Variants in LYRM9 observed in about 807,000 individuals in gnomAD.
LYRM9 encodes the protein LYR motif containing 9.
Under a neutral mutation model 12.6 loss-of-function variants are expected in LYRM9, and 14 were observed. That is an observed-to-expected ratio of 1.11 (90% confidence interval 0.73 to 1.73). LYRM9 has a LOEUF of 1.73. Ranked by LOEUF, LYRM9 falls within the 40% of genes most tolerant of loss-of-function variation. The pLI, the probability that LYRM9 is intolerant of heterozygous loss-of-function variation, is 0.00. For synonymous variants in LYRM9, 42 were observed against 35.1 expected (o/e 1.20, Z -0.69); for missense variants, 94 against 95.0 (o/e 0.99, Z 0.04).
intron 3 of LYRM9, chr17:27,879,969 G>A (rs1034731813): frequency 1.6e-5 from 10 of 628,172 alleles, no homozygotes; most frequent in East Asian, 5.6e-5. Flanking sequence ...TGCCACCGCC[G>A]GCTCTGGCAC....
At chr17:27,888,488 C>T (rs1221779665) in intron 1 of LYRM9, among the ~76,000 whole-genome samples, 1 of 152,200 alleles carries the variant, frequency 6.6e-6, no homozygotes, top group Admixed American at 6.5e-5. Flanking sequence ...TATGAATTTT[C>T]TTGGGTTATA....
At chr17:27,888,053 T>G (rs552303235) in intron 1 of LYRM9, among the ~76,000 whole-genome samples, 1 of 152,332 alleles carries the variant, frequency 6.6e-6, no homozygotes, top group African/African-American at 2.4e-5. Context: ...CTCACCCGCA[T>G]TGAAACACCC....
intron 1 of LYRM9, among the ~76,000 whole-genome samples, chr17:27,885,302 T>C (rs1402478239): frequency 6.6e-6 from 1 of 152,208 alleles, no homozygotes; most frequent in African/African-American, 2.4e-5. Context: ...CTAAACTTGA[T>C]GCTGGGAGGA....
At position 27,886,153 on chromosome 17, in the gene LYRM9, C is replaced by G. The variant is rs1419698612; in HGVS notation, c.-18-3441G>C. ...TAATCAAATATTGTAAAATGCTAGTCGCGGAACAGATGGTTACCATCTGCA... is the reference window on the plus strand; with the variant it reads ...TAATCAAATATTGTAAAATGCTAGTGGCGGAACAGATGGTTACCATCTGCA... On this transcript the variant is annotated intron_variant, in intron 1 of 3. Coordinates refer to ENST00000379102, the MANE Select transcript of LYRM9 (RefSeq NM_001076680.3). This position sits in a 1 kb window ranked among gnomAD's most constrained non-coding sequence, Gnocchi z 4.8. 6.6e-6 allele frequency among the ~76,000 whole-genome samples: 1 copy of G among 152,098 alleles called. No individual in the cohort carries two copies. The highest frequency in any genetic ancestry group is 1.5e-5 in the Non-Finnish European group (1 of 68,030).
chr17:27,893,357 G>T lies in LYRM9; in HGVS notation c.-59C>A. ...CGCCAGCCCCGGACGCCGCCGCGGC[G>T]ACGAGTGCGCCTGCGCCCCGGGGAC... On this transcript the variant is annotated 5_prime_UTR_variant, in exon 1 of 4. Transcript: ENST00000379102. The T allele has an allele frequency of 6.6e-6, 1 of 152,136 alleles. No individual in the cohort carries two copies. The highest frequency in any genetic ancestry group is 2.0e-4 in the South Asian group (1 of 4,956). The allele number at this position is 152,136 out of a possible 1,614,324, so 9.4% of individuals were successfully genotyped here.
At chr17:27,888,316 C>T (rs1242652926) in intron 1 of LYRM9, among the ~76,000 whole-genome samples, 1 of 152,168 alleles carries the variant, frequency 6.6e-6, no homozygotes, top group Non-Finnish European at 1.5e-5. Context: ...CATCACCCCT[C>T]ATTACTCTAG....
chr17:27,883,106 G>A (rs1310450154), intron 1 of LYRM9: 2 of 461,762 alleles, frequency 4.3e-6, no homozygotes, highest in African/African-American at 4.0e-5. Flanking sequence ...AAGCCACAGA[G>A]GGGAGAATGC....
At chr17:27,887,490 G>A (rs1905267608) in intron 1 of LYRM9, among the ~76,000 whole-genome samples, 1 of 152,178 alleles carries the variant, frequency 6.6e-6, no homozygotes, top group African/African-American at 2.4e-5. Context: ...TCCTGTCCAT[G>A]GCCTGCAAGG....
chr17:27,885,096 C>G (rs930897115), intron 1 of LYRM9, among the ~76,000 whole-genome samples: 1 of 152,166 alleles, frequency 6.6e-6, no homozygotes, highest in Non-Finnish European at 1.5e-5. Context: ...CTTCTAGTAA[C>G]AGCCCCAATG....
rs1904950787 is a variant in LYRM9 at position 27,879,230 on chromosome 17, G to C, written c.*243C>G. On this transcript the variant is annotated 3_prime_UTR_variant, in exon 4 of 4. Coordinates refer to ENST00000379102, the MANE Select transcript of LYRM9 (RefSeq NM_001076680.3). The stretch of plus-strand genomic sequence containing the variant: ...ACACAAAAATAAAAAACACACAAAA[G>C]AAGCAAAAAAATACTACATTCTCCC... The C allele has an allele frequency of 4.5e-6, 2 of 445,102 alleles. No homozygotes were observed. The highest frequency in any genetic ancestry group is 7.9e-6 in the Non-Finnish European group (2 of 252,142). The allele number at this position is 445,102 out of a possible 1,614,324, so 27.6% of individuals were successfully genotyped here. A position where few individuals can be genotyped will look rare whatever the true frequency, so the allele number is the denominator to read the frequency against.
At chr17:27,883,486 C>G (rs1905132962) in intron 1 of LYRM9, among the ~76,000 whole-genome samples, 1 of 151,916 alleles carries the variant, frequency 6.6e-6, no homozygotes. Context: ...CCCGTCTCTA[C>G]TAAAAATACA....
intron 2 of LYRM9, among the ~76,000 whole-genome samples, chr17:27,881,638 A>T (rs1905061983): frequency 6.6e-6 from 1 of 152,200 alleles, no homozygotes; most frequent in South Asian, 2.1e-4. Flanking sequence ...AGAAGCATTT[A>T]AGAGTAAGTT....
intron 2 of LYRM9, 87 bp from the exon 3 acceptor site, chr17:27,880,453 G>T: frequency 3.4e-6 from 3 of 884,842 alleles, no homozygotes; most frequent in Non-Finnish European, 1.8e-6. Context: ...CAGGGACACT[G>T]CTGGGCACTT....
intron 1 of LYRM9, among the ~76,000 whole-genome samples, chr17:27,891,228 T>C (rs530010359): frequency 6.6e-6 from 1 of 152,284 alleles, no homozygotes; most frequent in African/African-American, 2.4e-5. Flanking sequence ...CCTCCTGCTG[T>C]CCTTCCCACA....
Position 27,879,147 on chromosome 17 carries a change from T to C in LYRM9, c.*326A>G. The C allele has an allele frequency of 3.6e-6, 1 of 274,574 alleles. No individual in the cohort carries two copies. Among genetic ancestry groups the C allele is most frequent in the Admixed American group, 5.3e-5 (1 of 18,846 alleles). The allele number at this position is 274,574 out of a possible 1,614,324, so 17.0% of individuals were successfully genotyped here. A position where few individuals can be genotyped will look rare whatever the true frequency, so the allele number is the denominator to read the frequency against. On this transcript the variant is annotated 3_prime_UTR_variant, in exon 4 of 4. Coordinates refer to ENST00000379102, the MANE Select transcript of LYRM9 (RefSeq NM_001076680.3). ...GACATCTGCTCTGGGACTCAGAGAATGATAAAGAGATCTCCAGAATAAATG... is the reference window on the plus strand; with the variant it reads ...GACATCTGCTCTGGGACTCAGAGAACGATAAAGAGATCTCCAGAATAAATG...
In LYRM9 at chr17:27,879,736, G is replaced by A. The variant is rs1189426493; in HGVS notation, c.220-246C>T. 8 of 549,188 alleles carry A rather than the reference G, an allele frequency of 1.5e-5. No homozygotes were observed. In the East Asian group the frequency reaches 2.2e-4, roughly 15 times the overall value. 34.0% of individuals were successfully genotyped at this position (549,188 alleles called of 1,614,324 possible). A position where few individuals can be genotyped will look rare whatever the true frequency, so the allele number is the denominator to read the frequency against. On this transcript the variant is annotated intron_variant, in intron 3 of 3. Coordinates refer to ENST00000379102, the MANE Select transcript of LYRM9 (RefSeq NM_001076680.3). ...GGGAGGATAGTGATAACTCACTCTG[G>A]AGAGTGAGTTAGAAGGACAGGGAGG...
At chr17:27,884,014 G>A (rs923375116) in intron 1 of LYRM9, among the ~76,000 whole-genome samples, 63 of 151,830 alleles carry the variant, frequency 4.1e-4, no homozygotes, top group African/African-American at 1.4e-3. Context: ...AAAATTTACC[G>A]CATACCCTTT....
At position 27,886,457 on chromosome 17, in the gene LYRM9, C is replaced by T. The variant is rs187575509; in HGVS notation, c.-18-3745G>A. 5.9e-5 allele frequency among the ~76,000 whole-genome samples: 9 copies of T among 152,286 alleles called. No individual in the cohort carries two copies. The highest frequency in any genetic ancestry group is 1.3e-4 in the Admixed American group (2 of 15,300). Reference sequence around the variant, plus strand: ...TCATTGCTAAAACTGCAGTCAATGCCTCTGGGCCTGGCAACACTTGCCTCC... The same window carrying T: ...TCATTGCTAAAACTGCAGTCAATGCTTCTGGGCCTGGCAACACTTGCCTCC... On this transcript the variant is annotated intron_variant, in intron 1 of 3. Coordinates refer to ENST00000379102, the MANE Select transcript of LYRM9 (RefSeq NM_001076680.3). This position sits in a 1 kb window ranked among gnomAD's most constrained non-coding sequence, Gnocchi z 4.8.
At chr17:27,887,624 G>A (rs906716799) in intron 1 of LYRM9, among the ~76,000 whole-genome samples, 2 of 152,026 alleles carry the variant, frequency 1.3e-5, no homozygotes, top group African/African-American at 4.8e-5. Flanking sequence ...TGCCTGTTAT[G>A]GTCTCAGCAC....
Sources: gnomAD v4.1 joint callset for allele counts (sites outside exome capture counted in the v4.1 genomes callset) on GRCh38, gnomAD v4.1.1 for gene constraint, Gnocchi (gnomAD v3.1) non-coding constraint, MANE v1.5 for transcripts, NCBI Gene and HGNC (gene_info 2026-07-23, HGNC 2026-07-21) for gene names.